Variants in LGMN observed in about 807,000 individuals in gnomAD.
LGMN encodes the protein asparaginyl endopeptidase.
LGMN carries 36 observed loss-of-function variants against 56.8 expected under a neutral mutation model. The ratio of observed to expected loss-of-function variants is 0.63; its 90% CI spans 0.49 to 0.84. The LOEUF (loss-of-function observed/expected upper bound fraction) is 0.84. Ranked by LOEUF, LGMN falls within the 40% of genes least tolerant of loss-of-function variation. LGMN has a pLI of 0.00. For missense variants in LGMN, 446 were observed against 556.1 expected (o/e 0.80, Z 1.99); for synonymous variants, 199 against 210.1 (o/e 0.95, Z 0.46).
chr14:92,736,521 G>A lies in LGMN; in HGVS notation c.-29-3706C>T, dbSNP rs143944928. Among the ~76,000 whole-genome samples, 1,053 of 152,246 alleles carry A rather than the reference G, an allele frequency of 6.9e-3. 29 individuals are homozygous for A. The South Asian group carries it at 0.08, about 12-fold the overall frequency. On this transcript the variant is annotated intron_variant, in intron 1 of 13. Coordinates refer to ENST00000334869, the MANE Select transcript of LGMN (RefSeq NM_005606.7). ...TGAGGCACGAGAATCACTTGAACCC[G>A]GGAGGCAGAAGCTGCAGTTAGCCAA...
At chr14:92,719,158 GCCACCA>G (rs71123370) in intron 2 of LGMN, among the ~76,000 whole-genome samples, 1 of 96,250 alleles carries the variant, frequency 1.0e-5, no homozygotes, top group Admixed American at 1.0e-4. Context: ...CACCGCCACT[GCCACCA>G]CCACCACCAC....
At chr14:92,746,354 T>C (rs1034926820) in intron 1 of LGMN, among the ~76,000 whole-genome samples, 2 of 152,018 alleles carry the variant, frequency 1.3e-5, no homozygotes, top group Non-Finnish European at 2.9e-5. Context: ...GCAAAGCAAC[T>C]TGTGCAGTTA....
chr14:92,704,574 G>A, intron 13 of LGMN, 66 bp downstream of exon 13: 1 of 1,372,870 alleles, frequency 7.3e-7, no homozygotes, highest in Admixed American at 1.7e-5. Context: ...TTGCAGAAGA[G>A]GATGGCAGCC....
chr14:92,719,159 C>CCACCAACACCAACACCGCCACCAA, intron 2 of LGMN, among the ~76,000 whole-genome samples: 1 of 29,160 alleles, frequency 3.4e-5, no homozygotes, highest in African/African-American at 2.4e-4. Context: ...ACCGCCACTG[C>CCACCAACACCAACACCGCCACCAA]CACCACCACC....
intron 4 of LGMN, 73 bp downstream of exon 4, chr14:92,717,307 C>G: frequency 1.1e-6 from 1 of 933,322 alleles, no homozygotes; most frequent in Non-Finnish European, 1.7e-6. Context: ...ATTCTAGAAA[C>G]AGAAGAAAGA....
intron 11 of LGMN, among the ~76,000 whole-genome samples, chr14:92,709,010 A>G (rs1332681229): frequency 2.0e-5 from 3 of 152,164 alleles, no homozygotes; most frequent in African/African-American, 7.2e-5. Context: ...CATTCCGGTG[A>G]GCACACAGCT....
At chr14:92,719,201 A>ACCACCACCACCACCAC (rs1890254281) in intron 2 of LGMN, among the ~76,000 whole-genome samples, 1 of 45,394 alleles carries the variant, frequency 2.2e-5, no homozygotes, top group Admixed American at 1.8e-4. Context: ...ACCGCCACCA[A>ACCACCACCACCACCAC]CACCACCACC....
At chr14:92,747,119 T>G (rs1891857106) in intron 1 of LGMN, among the ~76,000 whole-genome samples, 1 of 152,000 alleles carries the variant, frequency 6.6e-6, no homozygotes, top group Non-Finnish European at 1.5e-5. Context: ...CAAAAAGCAT[T>G]GCTCTTTCTC....
chr14:92,730,502 C>T (rs1035508180), intron 2 of LGMN, among the ~76,000 whole-genome samples: 2 of 152,148 alleles, frequency 1.3e-5, no homozygotes, highest in East Asian at 3.8e-4. Flanking sequence ...TAATAGCTCA[C>T]GGCAGCCTTA....
chr14:92,706,311 G>T, intron 12 of LGMN, 172 bp downstream of exon 12: 1 of 497,162 alleles, frequency 2.0e-6, no homozygotes, highest in Non-Finnish European at 3.4e-6. Flanking sequence ...GTGTTCTGGG[G>T]CCAAGATTTA....
At chr14:92,706,403 C>A (rs191618188) in intron 12 of LGMN, 80 bp downstream of exon 12, 4 of 1,224,480 alleles carry the variant, frequency 3.3e-6, no homozygotes, top group Admixed American at 2.5e-5. Flanking sequence ...TCTATAAGGT[C>A]GTACAACCAA....
At position 92,714,620 on chromosome 14, in the gene LGMN, C is replaced by A. The variant is rs1889971008; in HGVS notation, c.405-169G>T. ...TGCCCGGTGTCTGGCCTGTCCCCTC[C>A]ACTCCCCTTGGTGTGATTCTGAACC... On this transcript the variant is annotated intron_variant, in intron 5 of 13. Transcript: ENST00000334869. This position sits in a 1 kb window ranked among gnomAD's most constrained non-coding sequence, Gnocchi z 5.1. 6.6e-6 allele frequency among the ~76,000 whole-genome samples: 1 copy of A among 152,198 alleles called. No individual in the cohort carries two copies. The highest frequency in any genetic ancestry group is 1.5e-5 in the Non-Finnish European group (1 of 68,028).
Position 92,740,224 on chromosome 14 carries a change from G to A in LGMN, c.-29-7409C>T, listed in dbSNP as rs1401933813. Among the ~76,000 whole-genome samples the A allele has an allele frequency of 3.3e-5, 5 of 152,108 alleles. No homozygotes were observed. The East Asian group carries it at 7.7e-4, about 23-fold the overall frequency. On this transcript the variant is annotated intron_variant, in intron 1 of 13. Transcript: ENST00000334869. ...GATCGCGCCATTGCACTCCAGCCTG[G>A]GCAACAAGAGCAAAACTCCGTCTCA... is the stretch of plus-strand genomic sequence containing the variant.
At chr14:92,712,925 C>A in intron 7 of LGMN, 54 bp from the exon 8 acceptor site, 1 of 1,520,832 alleles carries the variant, frequency 6.6e-7, no homozygotes, top group Non-Finnish European at 9.1e-7. Context: ...GGGCCTCCAG[C>A]CATGCTACTG....
chr14:92,719,657 T>C (rs1890358242), intron 2 of LGMN, among the ~76,000 whole-genome samples: 1 of 152,172 alleles, frequency 6.6e-6, no homozygotes, highest in Non-Finnish European at 1.5e-5. Context: ...AACTCAGGAA[T>C]TGAGAAATTG....
At position 92,706,656 on chromosome 14, in the gene LGMN, G is replaced by A. The variant is rs757409328; in HGVS notation, c.1021-3C>T. ...GACTTCTCAATGAGGTGCCTGGCCT[G>A]GGGAGAAACGCGGCCTGTCAGAATG... On this transcript the variant is annotated splice_polypyrimidine_tract_variant and splice_region_variant and intron_variant, in intron 11 of 13. Coordinates refer to ENST00000334869, the MANE Select transcript of LGMN (RefSeq NM_005606.7). 6.4e-7 allele frequency: 1 copy of A among 1,567,882 alleles called. No individual in the cohort carries two copies. Among genetic ancestry groups the A allele is most frequent in the Non-Finnish European group, 8.7e-7 (1 of 1,145,830 alleles).
At chr14:92,724,417 C>T (rs1358717758) in intron 2 of LGMN, among the ~76,000 whole-genome samples, 1 of 152,186 alleles carries the variant, frequency 6.6e-6, no homozygotes, top group Non-Finnish European at 1.5e-5. Flanking sequence ...ACTTGGTTGC[C>T]TCTACCTTTG....
intron 8 of LGMN, among the ~76,000 whole-genome samples, chr14:92,712,294 ATC>A (rs1214529268): frequency 6.6e-6 from 1 of 152,192 alleles, no homozygotes; most frequent in East Asian, 1.9e-4. Flanking sequence ...TTCCAGAGAG[ATC>A]TGACATTTAT....
chr14:92,712,091 G>A (rs1260173507), intron 8 of LGMN, 136 bp from the exon 9 acceptor site: 11 of 681,094 alleles, frequency 1.6e-5, no homozygotes, highest in East Asian at 1.0e-4. Context: ...GCAGGGACAC[G>A]TAACTATACC....
Sources: gnomAD v4.1 joint callset for allele counts (sites outside exome capture counted in the v4.1 genomes callset) on GRCh38, gnomAD v4.1.1 for gene constraint, Gnocchi (gnomAD v3.1) non-coding constraint, MANE v1.5 for transcripts, NCBI Gene and HGNC (gene_info 2026-07-23, HGNC 2026-07-21) for gene names.